The following C3orf22 variants were observed in gnomAD, a reference collection of about 807,000 sequenced individuals.
The protein encoded by C3orf22 is chromosome 3 open reading frame 22, also known as uncharacterized protein C3orf22.
In C3orf22, 7 loss-of-function variants were observed where a neutral mutation model predicts 10.8. The observed-to-expected ratio is 0.65, with a 90% CI of 0.37 to 1.22. The LOEUF (loss-of-function observed/expected upper bound fraction) is 1.22. C3orf22 is among the 50% of genes most tolerant of loss of function. The pLI, the probability that C3orf22 is intolerant of heterozygous loss-of-function variation, is 0.02. For synonymous variants in C3orf22, 79 were observed against 78.9 expected (o/e 1.00, Z 0.00); for missense variants, 173 against 177.0 (o/e 0.98, Z 0.13).
intron 4 of C3orf22, among the ~76,000 whole-genome samples, chr3:126,539,006 A>G (rs1012668701): frequency 6.6e-6 from 1 of 152,172 alleles, no homozygotes; most frequent in Non-Finnish European, 1.5e-5. Flanking sequence ...GACATGCTCT[A>G]GGCGTGTAAG....
chr3:126,549,655 A>C, downstream of C3orf22: 1 of 1,515,484 alleles, frequency 6.6e-7, no homozygotes, highest in Non-Finnish European at 8.8e-7. Context: ...GAGAAAATGA[A>C]GGCTCAGGGA....
chr3:126,536,345 C>G (rs1936790435), intron 4 of C3orf22: 1 of 1,613,534 alleles, frequency 6.2e-7, no homozygotes, highest in African/African-American at 1.3e-5. Context: ...GCTCTATGAC[C>G]TGGATCAGGT....
At position 126,553,312 on chromosome 3, in the gene C3orf22, A is replaced by G. The variant is rs1937246040; in HGVS notation, c.79T>C (p.Phe27Leu). Reference sequence around the variant, plus strand: ...GTCAGCCTCCCGCACCTGTACGGAAACTTCTTGGCAAAATTCTCCTGGGCC... The same window carrying G: ...GTCAGCCTCCCGCACCTGTACGGAAGCTTCTTGGCAAAATTCTCCTGGGCC... ...IQAQENFAKKFPYRLSWLTEP... is the reference protein window; with the variant it reads ...IQAQENFAKKLPYRLSWLTEP... Residue 27 changes from phenylalanine (F) to leucine (L), a missense_variant, in exon 2 of 4, where the codon TTT (phenylalanine) becomes CTT (leucine). Phe to Leu is a conservative substitution (Grantham distance 22, BLOSUM62 0). Transcript: ENST00000318225. 1.9e-6 allele frequency: 3 copies of G among 1,613,770 alleles called. No individual in the cohort carries two copies. In the South Asian group the frequency reaches 3.3e-5, roughly 18 times the overall value.
intron 3 of C3orf22, among the ~76,000 whole-genome samples, chr3:126,551,038 A>G (rs1937169484): frequency 6.6e-6 from 1 of 152,244 alleles, no homozygotes; most frequent in African/African-American, 2.4e-5. Context: ...ATGCTCCTGT[A>G]GCCGAACTAC....
chr3:126,541,972 G>A (rs1423622454), intron 4 of C3orf22: 3 of 1,577,962 alleles, frequency 1.9e-6, no homozygotes, highest in Non-Finnish European at 2.6e-6. Flanking sequence ...CCATCTCCGC[G>A]CAAGAGGCGC....
intron 4 of C3orf22, among the ~76,000 whole-genome samples, chr3:126,544,106 C>G (rs555830310): frequency 1.8e-4 from 28 of 152,364 alleles, no homozygotes; most frequent in African/African-American, 5.5e-4. Context: ...GAGCTCTTCC[C>G]TCACGGATCA....
rs144944327 is a variant in C3orf22, at chr3:126,540,873, T to A, written c.286+8664A>T. Among the ~76,000 whole-genome samples the A allele has an allele frequency of 6.7e-3, 1,022 of 152,340 alleles. 7 individuals carry two copies. The highest frequency in any genetic ancestry group is 0.011 in the Non-Finnish European group (746 of 68,026). The stretch of plus-strand genomic sequence containing the variant: ...TCTCCACATCCTCACCAATTCCTAA[T>A]TGTCTTTTTAATTATATCCTGAAGG... On this transcript the variant is annotated intron_variant and NMD_transcript_variant, in intron 4 of 5. Transcript: ENST00000505070.
downstream of C3orf22, among the ~76,000 whole-genome samples, chr3:126,547,062 G>A (rs969437539): frequency 1.3e-5 from 2 of 152,190 alleles, no homozygotes; most frequent in African/African-American, 4.8e-5. Context: ...TGTGACTGCA[G>A]GATAAACTCC....
chr3:126,534,722 CAGACAGA>C (rs1936729010), intron 4 of C3orf22, among the ~76,000 whole-genome samples: 2 of 149,936 alleles, frequency 1.3e-5, no homozygotes, highest in African/African-American at 2.5e-5. Context: ...GGGAGACAGA[CAGACAGA>C]CAGCATCCCT....
chr3:126,531,501 A>G (rs965288590), intron 4 of C3orf22, among the ~76,000 whole-genome samples: 2 of 152,224 alleles, frequency 1.3e-5, no homozygotes, highest in African/African-American at 2.4e-5. Context: ...TGAATATTCA[A>G]TGTTCTTATG....
At position 126,550,094 on chromosome 3, in the gene C3orf22, A is replaced by C; in HGVS notation, c.216-16T>G. 2 of 1,613,602 alleles carry C rather than the reference A, an allele frequency of 1.2e-6. No homozygotes were observed. Among genetic ancestry groups the C allele is most frequent in the Non-Finnish European group, 1.7e-6 (2 of 1,179,682 alleles). Reference sequence around the variant, plus strand: ...AGCCCCGAGCCTAGAGAAGCCACACAGAGCCACGCCTGGCCTTCAGGACCC... The same window carrying C: ...AGCCCCGAGCCTAGAGAAGCCACACCGAGCCACGCCTGGCCTTCAGGACCC... On this transcript the variant is annotated splice_polypyrimidine_tract_variant and intron_variant, in intron 3 of 3. Transcript: ENST00000318225.
chr3:126,550,111 T>A (rs781543989), intron 3 of C3orf22, 33 bp from the exon 4 acceptor site: 2 of 1,609,644 alleles, frequency 1.2e-6, no homozygotes, highest in Non-Finnish European at 8.5e-7. Flanking sequence ...CGCCTGGCCT[T>A]CAGGACCCCT....
chr3:126,530,506 T>A (rs1936635110), intron 4 of C3orf22, among the ~76,000 whole-genome samples: 1 of 152,170 alleles, frequency 6.6e-6, no homozygotes, highest in Non-Finnish European at 1.5e-5. Context: ...GAGCACCAGT[T>A]CTTCCTCAGT....
intron 4 of C3orf22, chr3:126,542,430 G>A (rs750305343): frequency 1.3e-6 from 2 of 1,555,202 alleles, no homozygotes; most frequent in East Asian, 5.0e-5. Context: ...GGGCCGCCGC[G>A]GCCCCGGGGA....
At chr3:126,545,237 C>T (rs191544387), downstream of C3orf22, among the ~76,000 whole-genome samples, 176 of 152,364 alleles carry the variant, frequency 1.2e-3, no homozygotes, top group Middle Eastern at 0.041. Flanking sequence ...CAAGGTCACG[C>T]GGCATTTTAA....
At chr3:126,530,631 C>G (rs1028123079) in intron 4 of C3orf22, among the ~76,000 whole-genome samples, 1 of 152,282 alleles carries the variant, frequency 6.6e-6, no homozygotes, top group Non-Finnish European at 1.5e-5. Flanking sequence ...ACCAGCGGAG[C>G]TCCCCATGGT....
chr3:126,553,509 T>TG (rs940806997), intron 1 of C3orf22, 79 bp from the exon 2 acceptor site: 1 of 932,262 alleles, frequency 1.1e-6, no homozygotes, highest in African/African-American at 1.6e-5. Context: ...CCAGCAGGGC[T>TG]GGGGGTGCCT....
At chr3:126,531,596 T>G (rs11918048) in intron 4 of C3orf22, among the ~76,000 whole-genome samples, 12,970 of 152,304 alleles carry the variant, frequency 0.085, 745 homozygotes, top group Middle Eastern at 0.2. Context: ...TCCTTTCACT[T>G]AACATAACGT....
downstream of C3orf22, among the ~76,000 whole-genome samples, chr3:126,546,376 G>A (rs1370651118): frequency 6.6e-6 from 1 of 152,202 alleles, no homozygotes; most frequent in Non-Finnish European, 1.5e-5. Flanking sequence ...TGCCCTCAGT[G>A]GCTGCTGTGG....
Sources: allele counts gnomAD v4.1 joint callset (sites outside exome capture counted in the v4.1 genomes callset), GRCh38; gene constraint gnomAD v4.1.1; transcripts MANE v1.5; gene names NCBI Gene and HGNC (gene_info 2026-07-23, HGNC 2026-07-21).